Variants in AMY2B observed in about 807,000 individuals in gnomAD.
The protein encoded by AMY2B is amylase alpha 2B, also known as alpha-amylase 2B.
In AMY2B, 63 loss-of-function variants were observed where a neutral mutation model predicts 59.3. The ratio of observed to expected loss-of-function variants is 1.06; its 90% CI spans 0.87 to 1.31. AMY2B has a LOEUF of 1.31. AMY2B is among the 50% of genes most tolerant of loss of function. The pLI is 0.00. For synonymous variants in AMY2B, 180 were observed against 198.1 expected, an observed-to-expected ratio of 0.91 and a Z score of 0.77; for missense variants, 635 against 626.7, an observed-to-expected ratio of 1.01 and a Z score of -0.14.
intron 1 of AMY2B, chr1:103,565,385 T>G (rs1651875239): frequency 6.6e-6 from 1 of 152,204 alleles, no homozygotes; most frequent in African/African-American, 2.4e-5. Flanking sequence ...AAAGTCTATA[T>G]GTTCAGTACA....
At chr1:103,578,233 AATATATCTTT>A (rs1652440748) in intron 9 of AMY2B, among the ~76,000 whole-genome samples, 2 of 152,172 alleles carry the variant, frequency 1.3e-5, no homozygotes, top group South Asian at 4.1e-4. Flanking sequence ...CCTGAGTACT[AATATATCTTT>A]ATTTCTAACT....
Position 103,573,271 on chromosome 1 carries a change from T to C in AMY2B, c.513+11T>C. On this transcript the variant is annotated intron_variant, in intron 3 of 9. Transcript: ENST00000684275. ...AATGATGCTACTCAGGTAAATTTTT[T>C]TATGAGAGTCATCTGAATAAGGGGT... is the stretch of plus-strand genomic sequence containing the variant. 1.2e-6 allele frequency: 2 copies of C among 1,613,530 alleles called. No individual in the cohort carries two copies. Among genetic ancestry groups the C allele is most frequent in the Non-Finnish European group, 1.7e-6 (2 of 1,179,550 alleles).
intron 1 of AMY2B, among the ~76,000 whole-genome samples, chr1:103,558,480 G>T (rs1651628174): frequency 6.6e-6 from 1 of 152,018 alleles, no homozygotes; most frequent in Admixed American, 6.6e-5. Flanking sequence ...GAGACTATTG[G>T]AATGAACTTG....
In AMY2B at chr1:103,571,754, G is replaced by A. The variant is rs774157974; in HGVS notation, c.152G>A (p.Gly51Glu). 1.4e-5 allele frequency: 23 copies of A among 1,611,818 alleles called. No individual in the cohort carries two copies. The African/African-American group carries it at 2.7e-4, about 19-fold the overall frequency. ...TGTGAGCGATATTTAGCTCCCAAGG[G>A]ATTTGGAGGGGTTCAGGTGGGTATG... ...LECERYLAPK[G>E]FGGVQVSPPN... The change falls in exon 1 of 10, where the codon GGA (glycine) becomes GAA (glutamate). Residue 51 changes from glycine (G) to glutamate (E), a missense_variant. Transcript: ENST00000684275.
intron 1 of AMY2B, among the ~76,000 whole-genome samples, chr1:103,563,776 A>G (rs1275144191): frequency 6.6e-6 from 1 of 152,134 alleles, no homozygotes; most frequent in African/African-American, 2.4e-5. Flanking sequence ...TTGATCTGGC[A>G]TTGTTGAAAA....
chr1:103,564,100 G>C (rs1651826849), intron 1 of AMY2B, among the ~76,000 whole-genome samples: 1 of 152,092 alleles, frequency 6.6e-6, no homozygotes, highest in African/African-American at 2.4e-5. Context: ...ACCATATTGA[G>C]CTTTTACCAT....
chr1:103,575,969 CA>C (rs1382492361), intron 7 of AMY2B, among the ~76,000 whole-genome samples: 2 of 151,678 alleles, frequency 1.3e-5, no homozygotes, highest in African/African-American at 2.4e-5. Context: ...ATATGGAATA[CA>C]AAAAAATGAT....
upstream of AMY2B, chr1:103,571,503 C>T: frequency 6.4e-7 from 1 of 1,572,908 alleles, no homozygotes; most frequent in South Asian, 1.2e-5. Flanking sequence ...AAACAGTTTG[C>T]CCTCAAGTAT....
upstream of AMY2B, among the ~76,000 whole-genome samples, chr1:103,568,080 C>T (rs940851348): frequency 2.0e-5 from 3 of 152,142 alleles, no homozygotes; most frequent in Non-Finnish European, 4.4e-5. Flanking sequence ...TTATTTTTAT[C>T]ATCACTGTTA....
At chr1:103,567,266 G>A (rs942085521), upstream of AMY2B, among the ~76,000 whole-genome samples, 6 of 151,976 alleles carry the variant, frequency 3.9e-5, no homozygotes, top group African/African-American at 1.2e-4. Context: ...ATTCATGAAG[G>A]TATGATATTT....
chr1:103,569,198 A>G (rs567395612), upstream of AMY2B: 1 of 152,100 alleles, frequency 6.6e-6, no homozygotes, highest in Non-Finnish European at 1.5e-5. Context: ...ACTACATTCA[A>G]GATGAGATTT....
At chr1:103,577,457 T>C in intron 7 of AMY2B, 33 bp from the exon 8 acceptor site, 1 of 1,611,776 alleles carries the variant, frequency 6.2e-7, no homozygotes, top group East Asian at 2.2e-5. Context: ...AATATATGTA[T>C]GTTAAAATTT....
At chr1:103,554,957 G>T (rs557139183) in exon 1 of AMY2B, 1 of 151,984 alleles carries the variant, frequency 6.6e-6, no homozygotes, top group South Asian at 2.1e-4. Flanking sequence ...AATATAAATG[G>T]TTCAGCTCTT....
At chr1:103,564,570 G>A (rs1472950808) in intron 1 of AMY2B, among the ~76,000 whole-genome samples, 2 of 151,922 alleles carry the variant, frequency 1.3e-5, no homozygotes. Flanking sequence ...ATAAAGCTTG[G>A]TGACTTCATC....
intron 6 of AMY2B, 21 bp from the exon 7 acceptor site, chr1:103,575,420 A>G (rs1452292600): frequency 6.2e-7 from 1 of 1,613,266 alleles, no homozygotes; most frequent in Non-Finnish European, 8.5e-7. Flanking sequence ...TTCTGTGATA[A>G]TATAATTATG....
intron 5 of AMY2B, among the ~76,000 whole-genome samples, chr1:103,574,672 T>C (rs1344217855): frequency 1.3e-5 from 2 of 152,122 alleles, no homozygotes; most frequent in Non-Finnish European, 2.9e-5. Context: ...CATATAATCT[T>C]TTAAAGCCAG....
At chr1:103,561,438 T>C (rs1417670016) in intron 1 of AMY2B, among the ~76,000 whole-genome samples, 1 of 152,158 alleles carries the variant, frequency 6.6e-6, no homozygotes. Flanking sequence ...CAGCTAATTT[T>C]TGTAGTTTTA....
chr1:103,577,789 C>T lies in AMY2B; in HGVS notation c.1290C>T (p.Asn430=), dbSNP rs375816643. Residue 430 remains asparagine, a synonymous_variant, in exon 9 of 10, where the codon AAC becomes AAT. Coordinates refer to ENST00000684275, the MANE Select transcript of AMY2B (RefSeq NM_001387437.1). ...PFTNWYDNGS[N]QVAFGRGNRG... is the part of the protein sequence containing the mutation. Reference sequence around the variant, plus strand: ...CAAACTGGTATGATAATGGGAGCAACCAAGTGGCTTTTGGGAGAGGAAACA... The same window carrying T: ...CAAACTGGTATGATAATGGGAGCAATCAAGTGGCTTTTGGGAGAGGAAACA... 87 of 1,607,548 alleles carry T rather than the reference C, an allele frequency of 5.4e-5. 1 individual carries two copies. The African/African-American group carries it at 9.9e-4, about 18-fold the overall frequency.
At chr1:103,578,355 A>C (rs968095145) in intron 9 of AMY2B, among the ~76,000 whole-genome samples, 16 of 152,160 alleles carry the variant, frequency 1.1e-4, no homozygotes, top group African/African-American at 3.6e-4. Flanking sequence ...CATAAATAAT[A>C]TGTATCTTGT....
Sources: gnomAD v4.1 joint callset for allele counts (sites outside exome capture counted in the v4.1 genomes callset) on GRCh38, gnomAD v4.1.1 for gene constraint, MANE v1.5 for transcripts, NCBI Gene and HGNC (gene_info 2026-07-23, HGNC 2026-07-21) for gene names.